CLCN7: variants seen among roughly 807,000 people sequenced by gnomAD.
The protein encoded by CLCN7 is Cl-/H+ antiporter 7, also known as H(+)/Cl(-) exchange transporter 7.
In CLCN7, 60 loss-of-function variants were observed where a neutral mutation model predicts 102.1. The ratio of observed to expected loss-of-function variants is 0.59; its 90% CI spans 0.48 to 0.73. The LOEUF is 0.73. CLCN7 is among the 30% of genes least tolerant of loss of function. The pLI is 0.00. For synonymous variants in CLCN7, 560 were observed against 490.5 expected, an observed-to-expected ratio of 1.14 and a Z score of -1.87; for missense variants, 962 against 1,125.7, an observed-to-expected ratio of 0.85 and a Z score of 2.08.
intron 15 of CLCN7, chr16:1,452,185 C>G: frequency 3.8e-6 from 1 of 262,326 alleles, no homozygotes; most frequent in Non-Finnish European, 7.6e-6. Flanking sequence ...CCCGGGCCTC[C>G]CACGTCTCTA....
At chr16:1,452,121 G>A (rs1295819833) in intron 15 of CLCN7, 2 of 316,200 alleles carry the variant, frequency 6.3e-6, no homozygotes, top group South Asian at 2.8e-5. Context: ...CAGCACAGGG[G>A]GTGTTATCCA....
At chr16:1,460,302 CG>C in intron 6 of CLCN7, 115 bp downstream of exon 6, 1 of 773,998 alleles carries the variant, frequency 1.3e-6, no homozygotes, top group Non-Finnish European at 2.2e-6. Context: ...TAAAAGTGCC[CG>C]GGTTGTCAGC....
Position 1,457,960 on chromosome 16 carries a change from G to A in CLCN7, c.676-204C>T, listed in dbSNP as rs542202417. ...GCCAAGCGTCCCCCGCACTCACTCG[G>A]GGGACCTGCCCTCTGTGGCCTCAGC... On this transcript the variant is annotated intron_variant, in intron 7 of 24. Transcript: ENST00000382745. The surrounding 1 kb of genome is among the most constrained non-coding windows in gnomAD (Gnocchi z 5.4). 3.3e-5 allele frequency among the ~76,000 whole-genome samples: 5 copies of A among 152,314 alleles called. No individual in the cohort carries two copies. The South Asian group carries it at 8.3e-4, about 25-fold the overall frequency.
In CLCN7 at chr16:1,446,174, C is replaced by CTTGGCCCCA. The variant is rs1362494809; in HGVS notation, c.*456_*457insTGGGGCCAA. 1 of 605,610 alleles carries CTTGGCCCCA rather than the reference C, an allele frequency of 1.7e-6. No homozygotes were observed. Among genetic ancestry groups the CTTGGCCCCA allele is most frequent in the East Asian group, 2.7e-5 (1 of 36,532 alleles). 37.5% of individuals were successfully genotyped at this position (605,610 alleles called of 1,614,324 possible). Reference sequence around the variant, plus strand: ...GCTCATGGCTGAAAATGAGGCCAAGCAGCTCCCAAGTCTCGAAGACTCCAC... The same window carrying CTTGGCCCCA: ...GCTCATGGCTGAAAATGAGGCCAAGCTTGGCCCCAAGCTCCCAAGTCTCGAAGACTCCAC... On this transcript the variant is annotated 3_prime_UTR_variant, in exon 25 of 25. Coordinates refer to ENST00000382745, the MANE Select transcript of CLCN7 (RefSeq NM_001287.6).
chr16:1,472,853 C>T (rs1464236047), intron 1 of CLCN7, among the ~76,000 whole-genome samples: 1 of 148,884 alleles, frequency 6.7e-6, no homozygotes, highest in Non-Finnish European at 1.5e-5. Flanking sequence ...GCTTCAACCT[C>T]CTGGGCTCAT....
At chr16:1,460,754 C>T in intron 5 of CLCN7, 62 bp downstream of exon 5, 2 of 1,612,022 alleles carry the variant, frequency 1.2e-6, no homozygotes, top group Non-Finnish European at 1.7e-6. Flanking sequence ...GGACTTCTGC[C>T]CGGGACTCGG....
At position 1,450,485 on chromosome 16, in the gene CLCN7, G is replaced by A. The variant is rs769625337; in HGVS notation, c.1617+12C>T. ...TGCAGGGCCCCACAGCCTCCCCTCC[G>A]GCCCCACTCACCGCCGCCCCCGTGA... On this transcript the variant is annotated intron_variant, in intron 17 of 24. Coordinates refer to ENST00000382745, the MANE Select transcript of CLCN7 (RefSeq NM_001287.6). The A allele has an allele frequency of 8.8e-6, 14 of 1,589,108 alleles. No homozygotes were observed. The highest frequency in any genetic ancestry group is 6.8e-5 in the East Asian group (3 of 43,908).
intron 16 of CLCN7, among the ~76,000 whole-genome samples, chr16:1,451,154 A>C (rs1451607887): frequency 6.6e-6 from 1 of 152,188 alleles, no homozygotes; most frequent in Non-Finnish European, 1.5e-5. Flanking sequence ...TCCGTGAAAC[A>C]CTTGTGGTCG....
intron 18 of CLCN7, 47 bp from the exon 19 acceptor site, chr16:1,449,140 G>T: frequency 6.2e-7 from 1 of 1,610,164 alleles, no homozygotes; most frequent in Non-Finnish European, 8.5e-7. Context: ...TCCTGGCTCA[G>T]GGTCACGTGG....
At chr16:1,449,604 T>C (rs1462417325) in intron 17 of CLCN7, 3 of 538,860 alleles carry the variant, frequency 5.6e-6, no homozygotes, top group Non-Finnish European at 1.0e-5. Flanking sequence ...CCAGGCCAAC[T>C]AGGGAGCACC....
intron 1 of CLCN7, chr16:1,467,877 G>A (rs978462807): frequency 6.6e-6 from 1 of 152,392 alleles, no homozygotes; most frequent in Non-Finnish European, 1.5e-5. Context: ...TTGAGCCCAG[G>A]AGTTCAAAGC....
intron 2 of CLCN7, 65 bp from the exon 3 acceptor site, chr16:1,461,739 C>G (rs555639577): frequency 1.5e-6 from 2 of 1,331,072 alleles, no homozygotes; most frequent in South Asian, 2.4e-5. Context: ...AGGCCCCTCT[C>G]AGCTCACACA....
rs2038689516 is a variant in CLCN7, at chr16:1,448,483, C to T, written c.1885G>A (p.Glu629Lys). Reference sequence around the variant, plus strand: ...CAGGTCACTGGTGTGCTCATCACCTCCCTGCCGGAGGAGCCCGGCCACACA... The same window carrying T: ...CAGGTCACTGGTGTGCTCATCACCTTCCTGCCGGAGGAGCCCGGCCACACA... Reference protein sequence around the residue: ...PVTSHSLTAREVMSTPVTCLR... With the variant: ...PVTSHSLTARKVMSTPVTCLR... The change falls in exon 21 of 25, where the codon GAG becomes AAG. Residue 629 changes from glutamate to lysine, a missense_variant and splice_region_variant. Glu to Lys is a moderately conservative substitution (Grantham distance 56). Transcript: ENST00000382745. The T allele has an allele frequency of 1.2e-6, 2 of 1,609,358 alleles. No homozygotes were observed. The highest frequency in any genetic ancestry group is 1.7e-6 in the Non-Finnish European group (2 of 1,179,950).
Position 1,448,343 on chromosome 16 carries a change from G to A in CLCN7, c.2013+12C>T. On this transcript the variant is annotated intron_variant, in intron 21 of 24. Coordinates refer to ENST00000382745, the MANE Select transcript of CLCN7 (RefSeq NM_001287.6). The stretch of plus-strand genomic sequence containing the variant: ...CACATAGGCAGGACCCTGTCTATGG[G>A]GTGCCCGGTACCTGGGTGTCATCGG... 8.1e-6 allele frequency: 13 copies of A among 1,612,638 alleles called. No homozygotes were observed. Among genetic ancestry groups the A allele is most frequent in the Non-Finnish European group, 1.1e-5 (13 of 1,179,914 alleles).
intron 7 of CLCN7, among the ~76,000 whole-genome samples, chr16:1,458,532 G>T (rs1007990723): frequency 6.6e-6 from 1 of 152,200 alleles, no homozygotes; most frequent in African/African-American, 2.4e-5. Context: ...CACTGGTCCC[G>T]CTCCTTGGCC....
At chr16:1,450,730 C>A in intron 16 of CLCN7, 64 bp from the exon 17 acceptor site, 1 of 1,389,808 alleles carries the variant, frequency 7.2e-7, no homozygotes, top group Non-Finnish European at 9.8e-7. Context: ...TGCCCTGCCC[C>A]GCTGCCCAGT....
chr16:1,448,432 C>A lies in CLCN7; in HGVS notation c.1936G>T (p.Val646Phe). ...GTGTCGCTCAGCACGTCCACAATGACGCCGACCTTCTCACGCCGCCTCAGG... is the reference window on the plus strand; with the variant it reads ...GTGTCGCTCAGCACGTCCACAATGAAGCCGACCTTCTCACGCCGCCTCAGG... ...TCLRRREKVG[V>F]IVDVLSDTAS... The change falls in exon 21 of 25, where the codon GTC becomes TTC. Residue 646 changes from valine to phenylalanine, a missense_variant. By Grantham distance (50) the Val-to-Phe change is conservative. This residue lies in a region of CLCN7 where 799 missense variants were observed against 988.0 expected (regional missense o/e 0.81). Coordinates refer to ENST00000382745, the MANE Select transcript of CLCN7 (RefSeq NM_001287.6). 6.2e-7 allele frequency: 1 copy of A among 1,612,394 alleles called. No homozygotes were observed.
intron 2 of CLCN7, among the ~76,000 whole-genome samples, chr16:1,463,161 G>A (rs1023292102): frequency 1.3e-5 from 2 of 152,116 alleles, no homozygotes; most frequent in African/African-American, 2.4e-5. Flanking sequence ...AGGGTATGAC[G>A]TTGGACCCTT....
At chr16:1,448,616 C>G (rs2038692273) in intron 20 of CLCN7, 65 bp downstream of exon 20, 2 of 1,604,716 alleles carry the variant, frequency 1.2e-6, no homozygotes, top group South Asian at 2.2e-5. Flanking sequence ...GCCGTGCACC[C>G]TGCCCCTGTG....
Sources: gnomAD v4.1 joint callset for allele counts (sites outside exome capture counted in the v4.1 genomes callset) on GRCh38, gnomAD v4.1.1 for gene constraint, gnomAD v4.1.1 regional missense constraint, Gnocchi (gnomAD v3.1) non-coding constraint, MANE v1.5 for transcripts, NCBI Gene and HGNC (gene_info 2026-07-23, HGNC 2026-07-21) for gene names.